The following PCDHA2 variants were observed in gnomAD, a reference collection of about 807,000 sequenced individuals.
PCDHA2 encodes protocadherin alpha 2, also known as protocadherin alpha-2.
Under a neutral mutation model 66.0 loss-of-function variants are expected in PCDHA2, and 58 were observed. That is an observed-to-expected ratio of 0.88 (90% CI 0.71 to 1.09). PCDHA2 has a LOEUF of 1.09. Ranked by LOEUF, PCDHA2 falls within the 50% of genes least tolerant of loss-of-function variation. The pLI is 0.00. For missense variants in PCDHA2, 1,267 were observed against 1,242.3 expected (o/e 1.02, Z -0.30); for synonymous variants, 634 against 554.0 (o/e 1.14, Z -2.03).
At chr5:140,829,537 G>T (rs2150169697) in intron 1 of PCDHA2, 4 of 1,612,962 alleles carry the variant, frequency 2.5e-6, no homozygotes, top group Non-Finnish European at 3.4e-6. Flanking sequence ...CGCGAGACGC[G>T]GACGCGCAGG....
chr5:141,006,207 T>C (rs1434083054), intron 3 of PCDHA2, among the ~76,000 whole-genome samples: 4 of 150,998 alleles, frequency 2.6e-5, no homozygotes, highest in Non-Finnish European at 5.9e-5. Context: ...TTATGCCTCA[T>C]TTTTTTTTAA....
intron 1 of PCDHA2, chr5:140,836,221 C>A (rs2150255716): frequency 1.2e-6 from 2 of 1,613,684 alleles, no homozygotes; most frequent in Non-Finnish European, 1.7e-6. Context: ...GAGTTGCAAC[C>A]GGTGGCGGCC....
At chr5:140,929,038 C>T in intron 1 of PCDHA2, 2 of 1,614,158 alleles carry the variant, frequency 1.2e-6, no homozygotes, top group South Asian at 1.1e-5. Context: ...CTGTTGCGCT[C>T]AGAGCTGCTG....
In PCDHA2 at chr5:140,829,866, C is replaced by G. The variant is rs180987045; in HGVS notation, c.2388+32514C>G. On this transcript the variant is annotated intron_variant, in intron 1 of 3. Transcript: ENST00000526136. ...TCACTGGGTGCAGGCCAAGTGGTGG[C>G]GAAGGTGCGCGCAGTTGACGCCGAC... 3.8e-5 allele frequency: 61 copies of G among 1,613,892 alleles called. No individual in the cohort carries two copies. The highest frequency in any genetic ancestry group is 4.4e-5 in the Non-Finnish European group (52 of 1,179,870).
intron 1 of PCDHA2, chr5:140,927,163 GC>G: frequency 6.2e-7 from 1 of 1,614,176 alleles, no homozygotes; most frequent in East Asian, 2.2e-5. Flanking sequence ...CAGGGCCAAA[GC>G]TGCCTGCGTC....
intron 1 of PCDHA2, chr5:140,834,397 A>G: frequency 1.3e-6 from 2 of 1,599,794 alleles, no homozygotes; most frequent in Non-Finnish European, 1.7e-6. Context: ...GTGTGCCCGA[A>G]TGGATACGAC....
chr5:140,876,920 A>G (rs782247870), intron 1 of PCDHA2: 1 of 1,613,928 alleles, frequency 6.2e-7, no homozygotes, highest in Non-Finnish European at 8.5e-7. Context: ...TGGGACGCGG[A>G]CGCGCAGAAG....
At chr5:140,858,372 C>T in intron 1 of PCDHA2, 1 of 1,587,864 alleles carries the variant, frequency 6.3e-7, no homozygotes, top group Non-Finnish European at 8.6e-7. Flanking sequence ...CCCAGCCTTC[C>T]ACCATGCCCA....
chr5:140,802,122 G>T lies in PCDHA2; in HGVS notation c.2388+4770G>T, dbSNP rs1554121877. 4 of 1,614,208 alleles carry T rather than the reference G, an allele frequency of 2.5e-6. No homozygotes were observed. The South Asian group carries it at 4.4e-5, about 18-fold the overall frequency. On this transcript the variant is annotated intron_variant, in intron 1 of 3. Transcript: ENST00000526136. Reference sequence around the variant, plus strand: ...ACAAATCAGTGTAAAGGGTAACATAGATTTCGAGGAAAGTAAGTCATATGA... The same window carrying T: ...ACAAATCAGTGTAAAGGGTAACATATATTTCGAGGAAAGTAAGTCATATGA...
intron 1 of PCDHA2, chr5:140,868,947 A>T: frequency 7.7e-7 from 1 of 1,290,598 alleles, no homozygotes; most frequent in Non-Finnish European, 1.1e-6. Flanking sequence ...CTGAACAGTG[A>T]GGCACTCCCA....
chr5:140,843,298 G>A, intron 1 of PCDHA2: 1 of 1,595,982 alleles, frequency 6.3e-7, no homozygotes, highest in Non-Finnish European at 8.6e-7. Context: ...AACCTGCGCT[G>A]ACCGCCACGG....
chr5:140,941,202 C>CTTTCTTTCTTT (rs1554213921), intron 1 of PCDHA2, among the ~76,000 whole-genome samples: 2,980 of 122,772 alleles, frequency 0.024, 108 homozygotes, highest in East Asian at 0.062. Context: ...TTTCTTTCTT[C>CTTTCTTTCTTT]CTTTCTTTCT....
chr5:140,830,145 G>A (rs1406638033), intron 1 of PCDHA2: 3 of 1,613,062 alleles, frequency 1.9e-6, no homozygotes, highest in Non-Finnish European at 2.5e-6. Flanking sequence ...GCGTCGGTGG[G>A]CGCCGCGGGC....
intron 1 of PCDHA2, among the ~76,000 whole-genome samples, chr5:140,840,357 T>G (rs1554137775): frequency 6.6e-6 from 1 of 151,884 alleles, no homozygotes; most frequent in Non-Finnish European, 1.5e-5. Flanking sequence ...CAGGTAAAAA[T>G]GTCAGGTAGA....
At chr5:140,968,808 TGGATAGGG>T (rs782488281) in intron 1 of PCDHA2, 2 of 1,614,204 alleles carry the variant, frequency 1.2e-6, no homozygotes, top group Non-Finnish European at 1.7e-6. Context: ...GTAGCTGTGG[TGGATAGGG>T]TTTCCAAAAT....
intron 3 of PCDHA2, among the ~76,000 whole-genome samples, chr5:141,007,395 CA>C (rs35800918): frequency 0.59 from 55,851 of 95,076 alleles, 14,598 homozygotes; most frequent in African/African-American, 0.74. Context: ...TACTAAAATA[CA>C]AAAAAAAAAA....
chr5:140,937,560 T>A (rs933672983), intron 1 of PCDHA2, among the ~76,000 whole-genome samples: 1 of 152,060 alleles, frequency 6.6e-6, no homozygotes, highest in Non-Finnish European at 1.5e-5. Flanking sequence ...GAGGTTGCAG[T>A]GAGCTGGGAT....
At chr5:140,895,647 C>A (rs954657912) in intron 1 of PCDHA2, among the ~76,000 whole-genome samples, 2 of 151,996 alleles carry the variant, frequency 1.3e-5, no homozygotes, top group African/African-American at 4.8e-5. Flanking sequence ...TTTTTAGCTC[C>A]CACTTATAAG....
At chr5:140,882,899 T>C (rs956861597) in intron 1 of PCDHA2, 1 of 1,614,228 alleles carries the variant, frequency 6.2e-7, no homozygotes. Context: ...ACATAGTTTA[T>C]TACTGACAGC....
Sources: allele counts gnomAD v4.1 joint callset (sites outside exome capture counted in the v4.1 genomes callset), GRCh38; gene constraint gnomAD v4.1.1; transcripts MANE v1.5; gene names NCBI Gene and HGNC (gene_info 2026-07-23, HGNC 2026-07-21).